Variants in IMMP2L observed in about 807,000 individuals in gnomAD.
IMMP2L encodes mitochondrial inner membrane protease subunit 2.
Under a neutral mutation model 19.3 loss-of-function variants are expected in IMMP2L, and 18 were observed. The observed-to-expected ratio is 0.93, with a 90% CI of 0.64 to 1.38. The LOEUF (loss-of-function observed/expected upper bound fraction) is 1.38, where lower values mean the gene tolerates loss of function less well. IMMP2L is among the 40% of genes most tolerant of loss of function. IMMP2L has a pLI of 0.00. For missense variants in IMMP2L, 233 were observed against 218.2 expected, an observed-to-expected ratio of 1.07 and a Z score of -0.43; for synonymous variants, 76 against 73.0, an observed-to-expected ratio of 1.04 and a Z score of -0.21.
intron 5 of IMMP2L, among the ~76,000 whole-genome samples, chr7:110,675,320 A>C (rs952455600): frequency 6.6e-6 from 1 of 152,088 alleles, no homozygotes; most frequent in East Asian, 1.9e-4. Flanking sequence ...ACTTAATTCA[A>C]ATGAACAAAA....
chr7:111,019,375 G>A lies in IMMP2L; in HGVS notation c.240-55810C>T, dbSNP rs144848105. On this transcript the variant is annotated intron_variant, in intron 3 of 5. Coordinates refer to ENST00000405709, the MANE Select transcript of IMMP2L (RefSeq NM_032549.4). ...TTCAGGCAGCAGGGCAAGGGGCAGG[G>A]AGAGCAAAGTGGGAAGTCAGAAATC... 9.2e-5 allele frequency among the ~76,000 whole-genome samples: 14 copies of A among 152,248 alleles called. No individual in the cohort carries two copies. The East Asian group carries it at 2.7e-3, about 30-fold the overall frequency.
intron 5 of IMMP2L, among the ~76,000 whole-genome samples, chr7:110,804,455 T>C (rs1016391885): frequency 7.9e-5 from 12 of 151,952 alleles, no homozygotes; most frequent in Non-Finnish European, 1.0e-4. Context: ...ACTTGTGGGA[T>C]TGACTAAAAC....
At chr7:111,311,079 A>T (rs886417054) in intron 3 of IMMP2L, among the ~76,000 whole-genome samples, 1 of 152,278 alleles carries the variant, frequency 6.6e-6, no homozygotes, top group African/African-American at 2.4e-5. Context: ...ATGGGAGAAC[A>T]GTTCCAGGGC....
intron 3 of IMMP2L, among the ~76,000 whole-genome samples, chr7:111,076,152 T>C (rs753142569): frequency 6.6e-6 from 1 of 152,146 alleles, no homozygotes; most frequent in Non-Finnish European, 1.5e-5. Flanking sequence ...ATCCTGTATG[T>C]GTGCTAGCTC....
intron 3 of IMMP2L, among the ~76,000 whole-genome samples, chr7:111,433,831 A>C (rs1836875591): frequency 6.6e-6 from 1 of 151,806 alleles, no homozygotes; most frequent in African/African-American, 2.4e-5. Flanking sequence ...ATAACCATAG[A>C]ATGGAAGAAA....
chr7:111,268,743 A>G (rs1332498705), intron 3 of IMMP2L, among the ~76,000 whole-genome samples: 1 of 151,150 alleles, frequency 6.6e-6, no homozygotes, highest in Non-Finnish European at 1.5e-5. Context: ...ACAGGCGAGC[A>G]CCACCATGCC....
intron 3 of IMMP2L, among the ~76,000 whole-genome samples, chr7:111,048,952 C>G (rs1421864731): frequency 6.4e-4 from 98 of 152,068 alleles, no homozygotes; most frequent in Non-Finnish European, 1.3e-4. Flanking sequence ...AAAAAGTGTG[C>G]ATTAAGTGGA....
At position 111,412,681 on chromosome 7, in the gene IMMP2L, G is replaced by T. The variant is rs191166471; in HGVS notation, c.239+74557C>A. Among the ~76,000 whole-genome samples, 5 of 151,880 alleles carry T rather than the reference G, an allele frequency of 3.3e-5. 1 individual carries two copies. Among genetic ancestry groups the T allele is most frequent in the Admixed American group, 2.6e-4 (4 of 15,262 alleles). ...CTACACACTAAAAATCACATAGGGA[G>T]TTTTTAAAAATCCCATTGTACCTCA... On this transcript the variant is annotated intron_variant, in intron 3 of 5. Transcript: ENST00000405709.
At chr7:111,101,621 C>CAA (rs1325089718) in intron 3 of IMMP2L, among the ~76,000 whole-genome samples, 56 of 151,300 alleles carry the variant, frequency 3.7e-4, no homozygotes, top group African/African-American at 1.3e-3. Flanking sequence ...AATAGGTATA[C>CAA]TGTCTTGTAT....
rs1798119483 is a variant in IMMP2L, at chr7:110,757,795, A to T, written c.409-94074T>A. On this transcript the variant is annotated intron_variant, in intron 5 of 5. Coordinates refer to ENST00000405709, the MANE Select transcript of IMMP2L (RefSeq NM_032549.4). This position sits in a 1 kb window ranked among gnomAD's most constrained non-coding sequence, Gnocchi z 4.2. ...AGTTTGTCATCTGTGTTTTGTCAGC[A>T]CTCTGACGGAAAAAACCTCATTAGG... Among the ~76,000 whole-genome samples the T allele has an allele frequency of 1.3e-5, 2 of 151,862 alleles. No homozygotes were observed.
chr7:111,217,604 A>G (rs1812092281), intron 3 of IMMP2L, among the ~76,000 whole-genome samples: 1 of 152,122 alleles, frequency 6.6e-6, no homozygotes, highest in Admixed American at 6.6e-5. Flanking sequence ...ACGTCCGTTG[A>G]GTCAGAAAGA....
At chr7:111,117,314 A>G (rs1469829742) in intron 3 of IMMP2L, among the ~76,000 whole-genome samples, 1 of 152,128 alleles carries the variant, frequency 6.6e-6, no homozygotes, top group Non-Finnish European at 1.5e-5. Flanking sequence ...AGAATCTTAC[A>G]ACTCATGCAA....
chr7:111,011,657 G>A (rs539458787), intron 3 of IMMP2L, among the ~76,000 whole-genome samples: 10 of 152,236 alleles, frequency 6.6e-5, no homozygotes, highest in Admixed American at 3.3e-4. Flanking sequence ...GGCAAGGAAC[G>A]AATTCTGAAA....
chr7:111,195,950 T>C (rs943509076), intron 3 of IMMP2L, among the ~76,000 whole-genome samples: 3 of 152,056 alleles, frequency 2.0e-5, no homozygotes, highest in African/African-American at 4.8e-5. Flanking sequence ...CACTGCACCC[T>C]CGAACTCCTG....
chr7:110,888,667 C>T (rs1810469882), intron 4 of IMMP2L, among the ~76,000 whole-genome samples: 1 of 152,170 alleles, frequency 6.6e-6, no homozygotes, highest in South Asian at 2.1e-4. Flanking sequence ...GTGACAGTTA[C>T]ACGTTTCCTT....
intron 3 of IMMP2L, among the ~76,000 whole-genome samples, chr7:111,265,214 A>C (rs1480488832): frequency 6.6e-6 from 1 of 152,146 alleles, no homozygotes; most frequent in Non-Finnish European, 1.5e-5. Context: ...ACGTGAGTAC[A>C]TTCTCTCCAA....
At chr7:111,391,922 T>C (rs546314541) in intron 3 of IMMP2L, 205 of 702,828 alleles carry the variant, frequency 2.9e-4, no homozygotes, top group Non-Finnish European at 4.5e-4. Context: ...CGCCTTGTCC[T>C]TGACCTCAGA....
At chr7:111,560,763 CGTAGCACATGGTAAGAGAGAAT>C (rs1563361452) in intron 1 of IMMP2L, among the ~76,000 whole-genome samples, 1 of 152,186 alleles carries the variant, frequency 6.6e-6, no homozygotes, top group African/African-American at 2.4e-5. Context: ...GATAAAAGTG[CGTAGCACATGGTAAGAGAGAAT>C]TAGCTATTGA....
chr7:111,412,256 G>A (rs554624044), intron 3 of IMMP2L, among the ~76,000 whole-genome samples: 1 of 151,734 alleles, frequency 6.6e-6, no homozygotes, highest in Non-Finnish European at 1.5e-5. Flanking sequence ...ACAGAACAAA[G>A]AGACCAGAAA....
Sources: allele counts gnomAD v4.1 joint callset (sites outside exome capture counted in the v4.1 genomes callset), GRCh38; gene constraint gnomAD v4.1.1; non-coding constraint Gnocchi (gnomAD v3.1); transcripts MANE v1.5; gene names NCBI Gene and HGNC (gene_info 2026-07-23, HGNC 2026-07-21).